DCDC2: variants seen among roughly 807,000 people sequenced by gnomAD.
DCDC2 encodes the protein doublecortin domain-containing protein 2.
A neutral mutation model predicts 50.2 loss-of-function variants in DCDC2; 40 were observed. The observed-to-expected ratio is 0.80, with a 90% confidence interval of 0.62 to 1.04. The LOEUF (loss-of-function observed/expected upper bound fraction) is 1.04. DCDC2 is among the 50% of genes least tolerant of loss of function. The pLI, the probability that DCDC2 is intolerant of heterozygous loss-of-function variation, is 0.00. For missense variants in DCDC2, 570 were observed against 581.9 expected (o/e 0.98, Z 0.21); for synonymous variants, 234 against 210.6 (o/e 1.11, Z -0.96).
chr6:24,284,432 C>T (rs1430199594), intron 6 of DCDC2, among the ~76,000 whole-genome samples: 1 of 151,500 alleles, frequency 6.6e-6, no homozygotes, highest in African/African-American at 2.4e-5. Flanking sequence ...ATGGTGAAAC[C>T]CCGTCTCTAC....
chr6:24,183,818 T>C (rs1561881199), intron 8 of DCDC2, among the ~76,000 whole-genome samples: 1 of 151,958 alleles, frequency 6.6e-6, no homozygotes, highest in Non-Finnish European at 1.5e-5. Flanking sequence ...ACAAATCACA[T>C]TACAATGTGG....
intron 7 of DCDC2, among the ~76,000 whole-genome samples, chr6:24,277,065 T>C (rs1036275198): frequency 6.6e-6 from 1 of 152,222 alleles, no homozygotes; most frequent in Non-Finnish European, 1.5e-5. Context: ...TAATCATTTG[T>C]GCAGCTTCCT....
intron 7 of DCDC2, among the ~76,000 whole-genome samples, chr6:24,215,297 A>G (rs1215890149): frequency 6.6e-6 from 1 of 152,228 alleles, no homozygotes. Flanking sequence ...GTGTGGCTGC[A>G]GCAAGGCTGT....
chr6:24,316,852 A>G (rs997709156), intron 2 of DCDC2, among the ~76,000 whole-genome samples: 1 of 152,164 alleles, frequency 6.6e-6, no homozygotes, highest in Non-Finnish European at 1.5e-5. Context: ...ATATATTGCT[A>G]TCAAAAATGA....
At chr6:24,246,353 T>C (rs1191628381) in intron 7 of DCDC2, among the ~76,000 whole-genome samples, 1 of 151,370 alleles carries the variant, frequency 6.6e-6, no homozygotes, top group Non-Finnish European at 1.5e-5. Context: ...TCTTTAGTGG[T>C]AAAATTTTAG....
intron 8 of DCDC2, among the ~76,000 whole-genome samples, chr6:24,201,686 A>T (rs9467072): frequency 0.18 from 27,205 of 152,072 alleles, 2,786 homozygotes; most frequent in African/African-American, 0.25. Context: ...GACACGAAAA[A>T]CCCTTCAAAA....
chr6:24,305,084 A>G (rs1474843090), intron 2 of DCDC2, among the ~76,000 whole-genome samples: 1 of 152,230 alleles, frequency 6.6e-6, no homozygotes, highest in Non-Finnish European at 1.5e-5. Context: ...AACTTTAAAA[A>G]TCTTGTTGCA....
At chr6:24,294,883 AC>A (rs1421151940) in intron 4 of DCDC2, among the ~76,000 whole-genome samples, 1 of 152,176 alleles carries the variant, frequency 6.6e-6, no homozygotes, top group Non-Finnish European at 1.5e-5. Context: ...GTCGAATTCT[AC>A]CAGATGTACA....
chr6:24,193,594 A>G (rs1014720434), intron 8 of DCDC2, among the ~76,000 whole-genome samples: 1 of 152,176 alleles, frequency 6.6e-6, no homozygotes, highest in South Asian at 2.1e-4. Context: ...GCAACAGGGA[A>G]AAAGGGTTAC....
chr6:24,345,506 C>G (rs563009391), intron 2 of DCDC2, among the ~76,000 whole-genome samples: 1 of 152,270 alleles, frequency 6.6e-6, no homozygotes, highest in South Asian at 2.1e-4. Context: ...AAATTCTCCA[C>G]CCCACTAAGA....
At chr6:24,286,001 A>G (rs1379399612) in intron 6 of DCDC2, among the ~76,000 whole-genome samples, 3 of 152,224 alleles carry the variant, frequency 2.0e-5, no homozygotes, top group African/African-American at 4.8e-5. Context: ...AAAGCAAAAT[A>G]CAATTTCCAA....
the DCDC2 span, among the ~76,000 whole-genome samples, chr6:24,382,251 C>T: frequency 6.6e-6 from 1 of 152,016 alleles, no homozygotes; most frequent in Admixed American, 6.6e-5. Context: ...CTTGACTCTA[C>T]AGACTCCGGC....
At chr6:24,260,347 G>A (rs4712814) in intron 7 of DCDC2, among the ~76,000 whole-genome samples, 150,859 of 152,344 alleles carry the variant, frequency 0.99, 74,713 homozygotes, top group Middle Eastern at 1. Flanking sequence ...GACCAGTCCA[G>A]ACTAATTCGT....
intron 7 of DCDC2, among the ~76,000 whole-genome samples, chr6:24,258,374 A>G (rs1762938938): frequency 6.6e-6 from 1 of 152,150 alleles, no homozygotes; most frequent in East Asian, 1.9e-4. Context: ...ACAAACATCT[A>G]GCTAGCCACA....
intron 6 of DCDC2, among the ~76,000 whole-genome samples, chr6:24,284,424 G>A (rs970574676): frequency 6.6e-6 from 1 of 151,658 alleles, no homozygotes. Context: ...TTGCCAAGAT[G>A]GTGAAACCCC....
upstream of DCDC2, among the ~76,000 whole-genome samples, chr6:24,362,721 A>G (rs1760690366): frequency 6.6e-6 from 1 of 152,140 alleles, no homozygotes; most frequent in South Asian, 2.1e-4. Context: ...CGGGATCTCA[A>G]GTTTTCCTCA....
At chr6:24,199,788 A>T (rs913487507) in intron 8 of DCDC2, among the ~76,000 whole-genome samples, 2 of 152,216 alleles carry the variant, frequency 1.3e-5, no homozygotes, top group Non-Finnish European at 2.9e-5. Flanking sequence ...GGAATTGCTA[A>T]CTAGAATAGC....
intron 7 of DCDC2, among the ~76,000 whole-genome samples, chr6:24,210,678 T>TA (rs1761848242): frequency 2.0e-5 from 3 of 152,240 alleles, no homozygotes; most frequent in Admixed American, 6.5e-5. Flanking sequence ...CCACTCTTGC[T>TA]AGCTCATAAT....
At chr6:24,189,629 A>G (rs1358759273) in intron 8 of DCDC2, among the ~76,000 whole-genome samples, 1 of 152,224 alleles carries the variant, frequency 6.6e-6, no homozygotes, top group East Asian at 1.9e-4. Flanking sequence ...GGCATATACT[A>G]TCATAAATAA....
Sources: gnomAD v4.1 joint callset for allele counts (sites outside exome capture counted in the v4.1 genomes callset) on GRCh38, gnomAD v4.1.1 for gene constraint, MANE v1.5 for transcripts, NCBI Gene and HGNC (gene_info 2026-07-23, HGNC 2026-07-21) for gene names.